Variants in TGFBR3 observed in about 807,000 individuals in gnomAD.
TGFBR3 encodes the protein transforming growth factor beta receptor 3, also known as transforming growth factor beta receptor type 3.
TGFBR3 carries 46 observed loss-of-function variants against 87.9 expected under a neutral mutation model. That is an observed-to-expected ratio of 0.52 (90% CI 0.41 to 0.67). TGFBR3 has a LOEUF of 0.67. Among genes scored for constraint, TGFBR3 ranks in the 30% least tolerant of loss-of-function variants. The pLI is 0.00. For missense variants in TGFBR3, 866 were observed against 1,041.9 expected (o/e 0.83, Z 2.32); for synonymous variants, 381 against 391.6 (o/e 0.97, Z 0.32).
chr1:91,729,476 G>C (rs6685808), intron 6 of TGFBR3, among the ~76,000 whole-genome samples: 82,934 of 152,014 alleles, frequency 0.55, 23,344 homozygotes, highest in Middle Eastern at 0.68. Context: ...AAAGATGAAG[G>C]AAGAGTGACT....
rs181250104 is a variant in TGFBR3, at chr1:91,843,703, T to C, written c.61+17768A>G. Among the ~76,000 whole-genome samples, 20 of 152,314 alleles carry C rather than the reference T, an allele frequency of 1.3e-4. No individual in the cohort carries two copies. The East Asian group carries it at 1.5e-3, about 12-fold the overall frequency. ...TTTACAAATGAGGACACTGAGCCTGTGGTCACACAGCCTATGATCTGGACC... is the reference window on the plus strand; with the variant it reads ...TTTACAAATGAGGACACTGAGCCTGCGGTCACACAGCCTATGATCTGGACC... On this transcript the variant is annotated intron_variant, in intron 2 of 16. Transcript: ENST00000212355.
At chr1:91,720,408 T>C (rs1163478927) in intron 8 of TGFBR3, among the ~76,000 whole-genome samples, 178 bp from the exon 9 acceptor site, 3 of 152,208 alleles carry the variant, frequency 2.0e-5, no homozygotes, top group Admixed American at 6.5e-5. Context: ...TGGTGTTCTC[T>C]CTAACTAGCT....
chr1:91,886,244 A>G (rs1431090227), upstream of TGFBR3: 4 of 443,434 alleles, frequency 9.0e-6, no homozygotes, highest in African/African-American at 6.1e-5. Context: ...GCGCGGGGGG[A>G]AGGGCGCTCC....
intron 3 of TGFBR3, among the ~76,000 whole-genome samples, chr1:91,793,805 CAAAA>C (rs57943201): frequency 1.4e-3 from 143 of 99,044 alleles, no homozygotes; most frequent in African/African-American, 3.3e-3. Context: ...GACTCTGTCT[CAAAA>C]AAAAAAAAAA....
intron 2 of TGFBR3, among the ~76,000 whole-genome samples, chr1:91,814,950 C>T (rs1459742888): frequency 2.4e-4 from 36 of 152,174 alleles, no homozygotes; most frequent in Admixed American, 2.4e-3. Context: ...CAAAATTAAC[C>T]TCCAACACCC....
intron 2 of TGFBR3, among the ~76,000 whole-genome samples, chr1:91,830,691 C>T (rs1201630785): frequency 6.6e-6 from 1 of 152,076 alleles, no homozygotes; most frequent in African/African-American, 2.4e-5. Flanking sequence ...GTCCAATACC[C>T]CACCCCTGAC....
intron 3 of TGFBR3, among the ~76,000 whole-genome samples, chr1:91,779,076 AGG>A (rs1374475140): frequency 1.3e-5 from 2 of 152,148 alleles, no homozygotes; most frequent in African/African-American, 4.8e-5. Flanking sequence ...TGCTGGGAGA[AGG>A]GGGAAAAGAT....
At chr1:91,708,531 A>G in intron 14 of TGFBR3, 132 bp downstream of exon 14, 1 of 1,419,042 alleles carries the variant, frequency 7.0e-7, no homozygotes, top group Non-Finnish European at 9.8e-7. Context: ...CGGGCAAAAA[A>G]TGGTCTTCTA....
chr1:91,752,010 G>T (rs966689050), intron 4 of TGFBR3, among the ~76,000 whole-genome samples: 1 of 152,156 alleles, frequency 6.6e-6, no homozygotes, highest in African/African-American at 2.4e-5. Context: ...TAGAAATGAG[G>T]AAACGAGGTC....
intron 3 of TGFBR3, among the ~76,000 whole-genome samples, chr1:91,796,438 T>C (rs1675384814): frequency 6.6e-6 from 1 of 152,216 alleles, no homozygotes; most frequent in Non-Finnish European, 1.5e-5. Flanking sequence ...AGCATATATC[T>C]TTATCATCAC....
intron 1 of TGFBR3, among the ~76,000 whole-genome samples, chr1:91,872,560 T>A (rs1192526): frequency 0.07 from 10,624 of 152,236 alleles, 949 homozygotes; most frequent in East Asian, 0.4. Context: ...GTCTCAAGAC[T>A]GAGCACAGCC....
At chr1:91,719,668 A>G (rs1672292325) in intron 9 of TGFBR3, among the ~76,000 whole-genome samples, 4 of 151,938 alleles carry the variant, frequency 2.6e-5, no homozygotes, top group Admixed American at 2.6e-4. Context: ...TCAATAGCAA[A>G]ATATTGACAC....
chr1:91,743,217 C>G (rs1673219023), intron 4 of TGFBR3, among the ~76,000 whole-genome samples: 1 of 152,134 alleles, frequency 6.6e-6, no homozygotes, highest in Non-Finnish European at 1.5e-5. Context: ...GCATTGTAGC[C>G]TCTCTCTGGG....
chr1:91,747,734 G>T (rs1428419215), intron 4 of TGFBR3, among the ~76,000 whole-genome samples: 1 of 152,160 alleles, frequency 6.6e-6, no homozygotes, highest in Non-Finnish European at 1.5e-5. Context: ...CACTAAGGAA[G>T]GGAGATTGTA....
intron 14 of TGFBR3, among the ~76,000 whole-genome samples, chr1:91,707,456 C>T (rs745968095): frequency 1.3e-5 from 2 of 152,206 alleles, no homozygotes; most frequent in African/African-American, 2.4e-5. Context: ...CCAGGGGTCA[C>T]CCCTGCTGCC....
rs775493031 is a variant in TGFBR3 at position 91,727,695 on chromosome 1, G to C, written c.849C>G (p.Ile283Met). ...GGCTTCCCTTAACATCAAAAGATTT[G>C]ATCACCCAGTTGACAGACTTTTTGC... ...LKCKKSVNWVIKSFDVKGSLK... is the reference protein window; with the variant it reads ...LKCKKSVNWVMKSFDVKGSLK... The change falls in exon 7 of 17, where the codon ATC (isoleucine) becomes ATG (methionine). Residue 283 changes from isoleucine (I) to methionine (M), a missense_variant. Coordinates refer to ENST00000212355, the MANE Select transcript of TGFBR3 (RefSeq NM_003243.5). 5.0e-6 allele frequency: 8 copies of C among 1,614,068 alleles called. No homozygotes were observed. The highest frequency in any genetic ancestry group is 6.8e-6 in the Non-Finnish European group (8 of 1,179,996).
At chr1:91,709,094 T>A (rs1042210505) in intron 13 of TGFBR3, among the ~76,000 whole-genome samples, 3 of 152,192 alleles carry the variant, frequency 2.0e-5, no homozygotes, top group Non-Finnish European at 4.4e-5. Flanking sequence ...AAAAACTATA[T>A]GCCTAGTGTT....
At chr1:91,736,625 G>A (rs1672977107) in intron 4 of TGFBR3, among the ~76,000 whole-genome samples, 1 of 152,052 alleles carries the variant, frequency 6.6e-6, no homozygotes, top group African/African-American at 2.4e-5. Context: ...GCCCACCTAA[G>A]TGTAACTTCT....
chr1:91,894,293 C>T (rs1041459528), intron 2 of TGFBR3, among the ~76,000 whole-genome samples: 1 of 152,144 alleles, frequency 6.6e-6, no homozygotes, highest in Admixed American at 6.5e-5. Context: ...TTCCCTCTTG[C>T]AATTGCAGCC....
Sources: allele counts gnomAD v4.1 joint callset (sites outside exome capture counted in the v4.1 genomes callset), GRCh38; gene constraint gnomAD v4.1.1; transcripts MANE v1.5; gene names NCBI Gene and HGNC (gene_info 2026-07-23, HGNC 2026-07-21).